Variants in FIG4 observed in about 807,000 individuals in gnomAD.
The protein encoded by FIG4 is FIG4 phosphoinositide 5-phosphatase, also known as polyphosphoinositide phosphatase.
FIG4 carries 112 observed loss-of-function variants against 118.6 expected under a neutral mutation model. That is an observed-to-expected ratio of 0.94 (90% CI 0.81 to 1.11). The LOEUF is 1.11. Among genes scored for constraint, FIG4 ranks in the 50% least tolerant of loss-of-function variants. The pLI is 0.00. For synonymous variants in FIG4, 369 were observed against 381.2 expected, an observed-to-expected ratio of 0.97 and a Z score of 0.37; for missense variants, 969 against 1,111.7, an observed-to-expected ratio of 0.87 and a Z score of 1.83.
chr6:109,731,927 A>G (rs1214034755), intron 4 of FIG4, among the ~76,000 whole-genome samples: 1 of 152,198 alleles, frequency 6.6e-6, no homozygotes, highest in Non-Finnish European at 1.5e-5. Context: ...GACAGTATAC[A>G]AAGTTTGTAA....
chr6:109,805,377 T>C (rs1263900673), intron 22 of FIG4, among the ~76,000 whole-genome samples: 1 of 152,204 alleles, frequency 6.6e-6, no homozygotes, highest in Non-Finnish European at 1.5e-5. Context: ...TACATGAAGC[T>C]CTAAAAGAGG....
chr6:109,707,633 A>G (rs957888735), intron 1 of FIG4, among the ~76,000 whole-genome samples: 1 of 151,908 alleles, frequency 6.6e-6, no homozygotes, highest in African/African-American at 2.4e-5. Flanking sequence ...TCTCATCTAT[A>G]GTAAGCCACA....
At chr6:109,812,228 C>T (rs980261149) in intron 22 of FIG4, among the ~76,000 whole-genome samples, 1 of 152,080 alleles carries the variant, frequency 6.6e-6, no homozygotes, top group African/African-American at 2.4e-5. Context: ...CAAGCAAACC[C>T]CTTTTCTCTG....
intron 14 of FIG4, among the ~76,000 whole-genome samples, chr6:109,766,403 A>T (rs575754199): frequency 6.6e-6 from 1 of 152,332 alleles, no homozygotes; most frequent in South Asian, 2.1e-4. Context: ...AGCACAGTAC[A>T]TTCCGTTATG....
intron 3 of FIG4, among the ~76,000 whole-genome samples, chr6:109,726,704 G>A (rs912726955): frequency 1.2e-4 from 19 of 152,056 alleles, no homozygotes; most frequent in Non-Finnish European, 2.6e-4. Flanking sequence ...GGGCAGTATG[G>A]GCATTTTCAC....
intron 1 of FIG4, among the ~76,000 whole-genome samples, chr6:109,703,252 T>C (rs1198053778): frequency 6.6e-6 from 1 of 152,206 alleles, no homozygotes; most frequent in Admixed American, 6.5e-5. Flanking sequence ...GCATTGTTGC[T>C]GAGAGCTTCT....
chr6:109,743,309 C>A, intron 9 of FIG4, 37 bp downstream of exon 9: 2 of 1,586,614 alleles, frequency 1.3e-6, no homozygotes, highest in Admixed American at 1.7e-5. Context: ...AACTCCTGTC[C>A]TCACATTTAG....
At chr6:109,824,220 A>G (rs916735884) in intron 22 of FIG4, among the ~76,000 whole-genome samples, 4 of 152,206 alleles carry the variant, frequency 2.6e-5, no homozygotes, top group Admixed American at 2.6e-4. Context: ...GTGCTTTTCA[A>G]ATTACCCGAG....
intron 1 of FIG4, among the ~76,000 whole-genome samples, chr6:109,710,568 T>C (rs1775225999): frequency 6.6e-6 from 1 of 152,168 alleles, no homozygotes; most frequent in Admixed American, 6.5e-5. Context: ...GAATTCAGCT[T>C]GGAATCTGTC....
At chr6:109,752,921 A>G (rs1469081781) in intron 10 of FIG4, among the ~76,000 whole-genome samples, 2 of 152,158 alleles carry the variant, frequency 1.3e-5, no homozygotes, top group Admixed American at 6.6e-5. Flanking sequence ...GCCCATGCCT[A>G]TGTCCTGAAT....
chr6:109,807,851 T>G (rs1156585621), intron 22 of FIG4, among the ~76,000 whole-genome samples: 1 of 152,172 alleles, frequency 6.6e-6, no homozygotes, highest in African/African-American at 2.4e-5. Context: ...CCAACACCAT[T>G]TATTAAATAG....
intron 18 of FIG4, 80 bp from the exon 19 acceptor site, chr6:109,789,514 A>T (rs1778077702): frequency 1.0e-6 from 1 of 997,236 alleles, no homozygotes; most frequent in South Asian, 1.3e-5. Flanking sequence ...GAATATTGTA[A>T]GAGTGTGAAC....
At chr6:109,793,812 C>A (rs958219837) in intron 21 of FIG4, among the ~76,000 whole-genome samples, 3 of 152,196 alleles carry the variant, frequency 2.0e-5, no homozygotes, top group Non-Finnish European at 4.4e-5. Context: ...TTCCTGACTG[C>A]CAAAGCAGCT....
chr6:109,803,991 T>G (rs192511124), intron 22 of FIG4, among the ~76,000 whole-genome samples: 86 of 152,242 alleles, frequency 5.6e-4, no homozygotes, highest in African/African-American at 1.9e-3. Flanking sequence ...TTAAATAGAT[T>G]ATTTATATGT....
At chr6:109,773,525 CA>C (rs1457312636) in intron 15 of FIG4, among the ~76,000 whole-genome samples, 1 of 152,192 alleles carries the variant, frequency 6.6e-6, no homozygotes, top group Non-Finnish European at 1.5e-5. Context: ...TTTTCCTCAT[CA>C]CTGTTCCCCA....
chr6:109,724,002 T>C (rs1775694263), intron 3 of FIG4, among the ~76,000 whole-genome samples: 1 of 152,188 alleles, frequency 6.6e-6, no homozygotes, highest in South Asian at 2.1e-4. Context: ...AATTGGTTTT[T>C]GACATTAATT....
At chr6:109,697,560 A>T (rs996517810) in intron 1 of FIG4, among the ~76,000 whole-genome samples, 1 of 152,114 alleles carries the variant, frequency 6.6e-6, no homozygotes, top group Non-Finnish European at 1.5e-5. Flanking sequence ...ATCCAGAGAG[A>T]GTTATGCAAG....
intron 22 of FIG4, 74 bp downstream of exon 22, chr6:109,796,925 T>A: frequency 1.1e-6 from 1 of 904,794 alleles, no homozygotes; most frequent in Non-Finnish European, 1.9e-6. Flanking sequence ...AAAGACTTTT[T>A]AAGAAAAAGA....
intron 16 of FIG4, among the ~76,000 whole-genome samples, chr6:109,783,230 A>G (rs1342026365): frequency 6.6e-6 from 1 of 152,264 alleles, no homozygotes. Context: ...TTACCTATGT[A>G]ACAAACCTGC....
Sources: allele counts gnomAD v4.1 joint callset (sites outside exome capture counted in the v4.1 genomes callset), GRCh38; gene constraint gnomAD v4.1.1; transcripts MANE v1.5; gene names NCBI Gene and HGNC (gene_info 2026-07-23, HGNC 2026-07-21).